The following CELSR1 variants were observed in gnomAD, a reference collection of about 807,000 sequenced individuals.
CELSR1 encodes adhesion G protein-coupled receptor C1.
In CELSR1, 110 loss-of-function variants were observed where a neutral mutation model predicts 249.1. That is an observed-to-expected ratio of 0.44 (90% confidence interval 0.38 to 0.52). The LOEUF (loss-of-function observed/expected upper bound fraction) is 0.52. CELSR1 is among the 20% of genes least tolerant of loss of function. CELSR1 has a pLI of 0.00. For missense variants in CELSR1, 4,109 were observed against 4,296.4 expected, an observed-to-expected ratio of 0.96 and a Z score of 1.22; for synonymous variants, 2,113 against 1,900.0, an observed-to-expected ratio of 1.11 and a Z score of -2.92.
In CELSR1 at chr22:46,446,944, A is replaced by T. The variant is rs2079827703; in HGVS notation, c.4184-7533T>A. 6.6e-6 allele frequency among the ~76,000 whole-genome samples: 1 copy of T among 152,090 alleles called. No homozygotes were observed. Among genetic ancestry groups the T allele is most frequent in the African/African-American group, 2.4e-5 (1 of 41,410 alleles). On this transcript the variant is annotated intron_variant, in intron 2 of 34. Coordinates refer to ENST00000674500, the MANE Select transcript of CELSR1 (RefSeq NM_001378328.1). This position sits in a 1 kb window ranked among gnomAD's most constrained non-coding sequence, Gnocchi z 5.5. Reference sequence around the variant, plus strand: ...ACTCCTAGCACAGAGCCAATTCAGGATTCCCCTGAGGGTTGGTGGTTAAGC... The same window carrying T: ...ACTCCTAGCACAGAGCCAATTCAGGTTTCCCCTGAGGGTTGGTGGTTAAGC...
chr22:46,368,465 C>G (rs1192335979), intron 27 of CELSR1, among the ~76,000 whole-genome samples: 1 of 151,930 alleles, frequency 6.6e-6, no homozygotes, highest in East Asian at 1.9e-4. Context: ...CTCTGCCCTA[C>G]CCCCCTTCAG....
rs2080154199 is a variant in CELSR1, at chr22:46,471,430, C to T, written c.3545-7085G>A. ...TTTGAGACAGAGTCTCATTCTGTGGCCCAGGCTGGAATGCAGTGGTGTGAT... is the reference window on the plus strand; with the variant it reads ...TTTGAGACAGAGTCTCATTCTGTGGTCCAGGCTGGAATGCAGTGGTGTGAT... On this transcript the variant is annotated intron_variant, in intron 1 of 34. Coordinates refer to ENST00000674500, the MANE Select transcript of CELSR1 (RefSeq NM_001378328.1). The surrounding 1 kb of genome is among the most constrained non-coding windows in gnomAD (Gnocchi z 4.9). Among the ~76,000 whole-genome samples the T allele has an allele frequency of 1.3e-5, 2 of 152,082 alleles. No homozygotes were observed. Among genetic ancestry groups the T allele is most frequent in the Non-Finnish European group, 2.9e-5 (2 of 68,012 alleles).
rs1421673334 is a variant in CELSR1, at chr22:46,526,589, A to G, written c.3544+7038T>C. 2.0e-5 allele frequency among the ~76,000 whole-genome samples: 3 copies of G among 152,040 alleles called. No individual in the cohort carries two copies. Reference sequence around the variant, plus strand: ...CACATCTCTGTCCCCAGGCTCTCCAACCGCCAGACGGCATCCATCACGGAT... The same window carrying G: ...CACATCTCTGTCCCCAGGCTCTCCAGCCGCCAGACGGCATCCATCACGGAT... On this transcript the variant is annotated intron_variant, in intron 1 of 34. Transcript: ENST00000674500. This position sits in a 1 kb window ranked among gnomAD's most constrained non-coding sequence, Gnocchi z 4.7.
Position 46,448,042 on chromosome 22 carries a change from A to G in CELSR1, c.4184-8631T>C, listed in dbSNP as rs1300244923. On this transcript the variant is annotated intron_variant, in intron 2 of 34. Coordinates refer to ENST00000674500, the MANE Select transcript of CELSR1 (RefSeq NM_001378328.1). The surrounding 1 kb of genome is among the most constrained non-coding windows in gnomAD (Gnocchi z 5.7). ...CCCATACCAGGCTTGGGGCTGGTGC[A>G]CTGCCCTGCCTGCCCAGAGACCCTA... Among the ~76,000 whole-genome samples the G allele has an allele frequency of 6.6e-6, 1 of 152,192 alleles. No individual in the cohort carries two copies. Among genetic ancestry groups the G allele is most frequent in the Non-Finnish European group, 1.5e-5 (1 of 68,030 alleles).
chr22:46,501,440 A>C (rs1413394536), intron 1 of CELSR1, among the ~76,000 whole-genome samples: 1 of 152,100 alleles, frequency 6.6e-6, no homozygotes, highest in Non-Finnish European at 1.5e-5. Context: ...TCCTGACCTC[A>C]GGTGATCCAC....
chr22:46,464,926 G>A lies in CELSR1; in HGVS notation c.3545-581C>T, dbSNP rs912705424. 6.6e-6 allele frequency among the ~76,000 whole-genome samples: 1 copy of A among 152,098 alleles called. No individual in the cohort carries two copies. Among genetic ancestry groups the A allele is most frequent in the Non-Finnish European group, 1.5e-5 (1 of 68,026 alleles). On this transcript the variant is annotated intron_variant, in intron 1 of 34. Transcript: ENST00000674500. The surrounding 1 kb of genome is among the most constrained non-coding windows in gnomAD (Gnocchi z 8.5). ...CTGTGCTGAGGGTCCCACTTAGCTC[G>A]GCTGTACCCCACGCAACTCCACATG...
chr22:46,455,625 T>C (rs2079939315), intron 2 of CELSR1, among the ~76,000 whole-genome samples: 1 of 152,202 alleles, frequency 6.6e-6, no homozygotes, highest in East Asian at 1.9e-4. Context: ...TCTGTCGTCT[T>C]CAGCCACTCA....
In CELSR1 at chr22:46,536,956, C is replaced by T; in HGVS notation, c.215G>A (p.Arg72Gln). The T allele has an allele frequency of 8.7e-7, 1 of 1,150,642 alleles. No homozygotes were observed. The highest frequency in any genetic ancestry group is 1.1e-6 in the Non-Finnish European group (1 of 938,252). 71.3% of individuals were successfully genotyped at this position (1,150,642 alleles called of 1,614,324 possible). A position where few individuals can be genotyped will look rare whatever the true frequency, so the allele number is the denominator to read the frequency against. The change falls in exon 1 of 35, where the codon CGG (arginine) becomes CAG (glutamine). Residue 72 changes from arginine (R) to glutamine (Q), a missense_variant. Arg to Gln is a conservative substitution (Grantham distance 43, BLOSUM62 1). Coordinates refer to ENST00000674500, the MANE Select transcript of CELSR1 (RefSeq NM_001378328.1). ...CGAGACGCGCCGACGTCCTGCCAGC[C>T]GCCCATCGCGGCCCACGTCCAGCAG... ...RELLDVGRDG[R>Q]LAGRRRVSGA...
chr22:46,463,028 A>G (rs894174092), intron 2 of CELSR1: 1 of 364,334 alleles, frequency 2.7e-6, no homozygotes, highest in Non-Finnish European at 5.5e-6. Flanking sequence ...TAAGCCTGCA[A>G]TCTGGAATAA....
rs1789984176 is a variant in CELSR1, at chr22:46,407,733, C to T, written c.5226+1263G>A. Among the ~76,000 whole-genome samples the T allele has an allele frequency of 6.6e-6, 1 of 152,200 alleles. No homozygotes were observed. The highest frequency in any genetic ancestry group is 2.4e-5 in the African/African-American group (1 of 41,452). On this transcript the variant is annotated intron_variant, in intron 9 of 34. Transcript: ENST00000674500. This position sits in a 1 kb window ranked among gnomAD's most constrained non-coding sequence, Gnocchi z 4.8. ...CAAGACAGAGCGCCCTGCTCAGGCACGGCTCCCACAGGCCACTCCCGTGCC... is the reference window on the plus strand; with the variant it reads ...CAAGACAGAGCGCCCTGCTCAGGCATGGCTCCCACAGGCCACTCCCGTGCC...
In CELSR1 at chr22:46,365,346, C is replaced by T; in HGVS notation, c.8439G>A (p.Leu2813=). The T allele has an allele frequency of 6.2e-7, 1 of 1,612,950 alleles. No individual in the cohort carries two copies. Among genetic ancestry groups the T allele is most frequent in the Non-Finnish European group, 8.5e-7 (1 of 1,179,950 alleles). The change falls in exon 32 of 35, where the codon CTG becomes CTA. Residue 2813 remains leucine, a synonymous_variant. Transcript: ENST00000674500. ...HDSDSDSELS[L]DEQSSSYASS... ...AGGCGTAAGAGCTGCTCTGCTCATCCAGGGACAGCTCGCTATCTGAGTCGG... is the reference window on the plus strand; with the variant it reads ...AGGCGTAAGAGCTGCTCTGCTCATCTAGGGACAGCTCGCTATCTGAGTCGG...
Position 46,428,379 on chromosome 22 carries a change from G to C in CELSR1, c.4611+5014C>G, listed in dbSNP as rs1030702494. The stretch of plus-strand genomic sequence containing the variant: ...CCAGCACAGCATCGTCCCCGGCCAG[G>C]TGACGGATGCCGAGTGCCCCTTGGA... On this transcript the variant is annotated intron_variant, in intron 5 of 34. Transcript: ENST00000674500. This position sits in a 1 kb window ranked among gnomAD's most constrained non-coding sequence, Gnocchi z 5.7. Among the ~76,000 whole-genome samples the C allele has an allele frequency of 5.3e-5, 8 of 152,218 alleles. No individual in the cohort carries two copies. Among genetic ancestry groups the C allele is most frequent in the Admixed American group, 2.0e-4 (3 of 15,284 alleles).
In CELSR1 at chr22:46,409,126, A is replaced by G; in HGVS notation, c.5096T>C (p.Val1699Ala). 6.2e-7 allele frequency: 1 copy of G among 1,613,452 alleles called. No individual in the cohort carries two copies. Among genetic ancestry groups the G allele is most frequent in the Non-Finnish European group, 8.5e-7 (1 of 1,179,798 alleles). The change falls in exon 9 of 35, where the codon GTC (valine) becomes GCC (alanine). Residue 1699 changes from valine to alanine, a missense_variant. Physicochemically the swap from Val to Ala is moderately conservative, Grantham distance 64. Transcript: ENST00000674500. This position sits in a 1 kb window ranked among gnomAD's most constrained non-coding sequence, Gnocchi z 9.8. ...GATGTTCAGGTCACTCCAGGACACG[A>G]CGCTCTCACCGCTGAAGAGCTGGGG... ...PHPQLFSGES[V>A]VSWSDLNIII...
chr22:46,472,596 A>C lies in CELSR1; in HGVS notation c.3545-8251T>G, dbSNP rs551526392. On this transcript the variant is annotated intron_variant, in intron 1 of 34. Coordinates refer to ENST00000674500, the MANE Select transcript of CELSR1 (RefSeq NM_001378328.1). The surrounding 1 kb of genome is among the most constrained non-coding windows in gnomAD (Gnocchi z 7.0). ...GAGCACAACGCATGAAAAGCAGCAA[A>C]ACCAGCAAGGCATGGGGACGGGTGG... Among the ~76,000 whole-genome samples, 1 of 152,308 alleles carries C rather than the reference A, an allele frequency of 6.6e-6. No individual in the cohort carries two copies. Among genetic ancestry groups the C allele is most frequent in the African/African-American group, 2.4e-5 (1 of 41,580 alleles).
chr22:46,420,929 G>A (rs1356673612), intron 5 of CELSR1, among the ~76,000 whole-genome samples: 2 of 152,142 alleles, frequency 1.3e-5, no homozygotes, highest in Non-Finnish European at 2.9e-5. Flanking sequence ...TGGGGGCCGG[G>A]GATGGTCACG....
At chr22:46,382,569 C>G (rs573814038) in intron 20 of CELSR1, among the ~76,000 whole-genome samples, 1 of 152,296 alleles carries the variant, frequency 6.6e-6, no homozygotes, top group East Asian at 1.9e-4. Flanking sequence ...AGCCACCGCG[C>G]CCGGCCTGGA....
rs568540795 is a variant in CELSR1 at position 46,411,458 on chromosome 22, A to G, written c.4769+144T>C. 3.1e-5 allele frequency: 28 copies of G among 910,126 alleles called. No individual in the cohort carries two copies. In the African/African-American group the frequency reaches 4.3e-4, roughly 14 times the overall value. The allele number at this position is 910,126 out of a possible 1,614,324, so 56.4% of individuals were successfully genotyped here. A position where few individuals can be genotyped will look rare whatever the true frequency, so the allele number is the denominator to read the frequency against. On this transcript the variant is annotated intron_variant, in intron 6 of 34. Coordinates refer to ENST00000674500, the MANE Select transcript of CELSR1 (RefSeq NM_001378328.1). This position sits in a 1 kb window ranked among gnomAD's most constrained non-coding sequence, Gnocchi z 4.2. ...CAGAGGGAAGGTGCCCCAACCATGGACAGGATGTCTGACTCTAGCCTGGAA... is the reference window on the plus strand; with the variant it reads ...CAGAGGGAAGGTGCCCCAACCATGGGCAGGATGTCTGACTCTAGCCTGGAA...
chr22:46,381,798 G>A lies in CELSR1; in HGVS notation c.7088+48C>T, dbSNP rs1265848728. 2.0e-6 allele frequency: 3 copies of A among 1,497,174 alleles called. No individual in the cohort carries two copies. The highest frequency in any genetic ancestry group is 2.0e-5 in the Admixed American group (1 of 49,248). The allele number at this position is 1,497,174 out of a possible 1,614,324, so 92.7% of individuals were successfully genotyped here. On this transcript the variant is annotated intron_variant, in intron 21 of 34. Coordinates refer to ENST00000674500, the MANE Select transcript of CELSR1 (RefSeq NM_001378328.1). The surrounding 1 kb of genome is among the most constrained non-coding windows in gnomAD (Gnocchi z 6.0). ...GGATTTTGACCTGTGGAAGCCTCAG[G>A]AGCCTCCAGAACGGGCCCTCCCCGT... is the stretch of plus-strand genomic sequence containing the variant.
intron 20 of CELSR1, among the ~76,000 whole-genome samples, chr22:46,384,117 G>A (rs1218745546): frequency 6.6e-6 from 1 of 151,966 alleles, no homozygotes; most frequent in Non-Finnish European, 1.5e-5. Context: ...GTATTTTTTA[G>A]TAGAGACGGG....
Sources: allele counts gnomAD v4.1 joint callset (sites outside exome capture counted in the v4.1 genomes callset), GRCh38; gene constraint gnomAD v4.1.1; non-coding constraint Gnocchi (gnomAD v3.1); transcripts MANE v1.5; gene names NCBI Gene and HGNC (gene_info 2026-07-23, HGNC 2026-07-21).